Variants in MCM3AP observed in about 807,000 individuals in gnomAD.
MCM3AP encodes minichromosome maintenance complex component 3 associated protein.
A neutral mutation model predicts 184.1 loss-of-function variants in MCM3AP; 126 were observed. The observed-to-expected ratio is 0.68, with a 90% confidence interval of 0.59 to 0.79. The LOEUF (loss-of-function observed/expected upper bound fraction) is 0.79. MCM3AP is among the 30% of genes least tolerant of loss of function. The probability of loss-of-function intolerance (pLI) is 0.00; values close to 1 mark genes in which losing one functional copy is unlikely to be tolerated. For missense variants in MCM3AP, 2,496 were observed against 2,479.2 expected (o/e 1.01, Z -0.14); for synonymous variants, 1,002 against 979.3 (o/e 1.02, Z -0.43).
chr21:46,273,935 G>C (rs993197562), intron 6 of MCM3AP, among the ~76,000 whole-genome samples: 3 of 152,198 alleles, frequency 2.0e-5, no homozygotes, highest in African/African-American at 7.2e-5. Context: ...ACCAGATTAA[G>C]TCTACACAGA....
chr21:46,244,898 G>A lies in MCM3AP; in HGVS notation c.4947C>T (p.His1649=). ...AEAGGSRLLP[H]LHWNAPEHLA... ...GGTGCTCTGGGGCATTCCAGTGCAGGTGAGGAAGCAGCCGGCTGCCCCCTG... is the reference window on the plus strand; with the variant it reads ...GGTGCTCTGGGGCATTCCAGTGCAGATGAGGAAGCAGCCGGCTGCCCCCTG... The change falls in exon 23 of 28, where the codon CAC becomes CAT. Residue 1649 remains histidine (H), a synonymous_variant. Coordinates refer to ENST00000291688, the MANE Select transcript of MCM3AP (RefSeq NM_003906.5). The A allele has an allele frequency of 1.9e-6, 3 of 1,614,194 alleles. No homozygotes were observed. Among genetic ancestry groups the A allele is most frequent in the Non-Finnish European group, 1.7e-6 (2 of 1,180,022 alleles).
At chr21:46,254,868 G>A in intron 17 of MCM3AP, 24 bp from the exon 18 acceptor site, 1 of 1,595,512 alleles carries the variant, frequency 6.3e-7, no homozygotes, top group Non-Finnish European at 8.6e-7. Flanking sequence ...CAGAATGACA[G>A]TGTCCCCGCA....
rs17176145 is a variant in MCM3AP at position 46,284,834 on chromosome 21, A to G, written c.453T>C (p.Asn151=). The change falls in exon 1 of 28, where the codon AAT becomes AAC. Residue 151 remains asparagine (N), a synonymous_variant. Transcript: ENST00000291688. ...KTEFSFKPLE[N]AVFKPILGAE... ...CCCCCAGTATTGGTTTGAACACTGC[A>G]TTTTCCAGAGGTTTAAAGCTGAATT... 4.2e-5 allele frequency: 67 copies of G among 1,614,056 alleles called. No homozygotes were observed. In the African/African-American group the frequency reaches 8.4e-4, roughly 20 times the overall value.
At chr21:46,256,076 C>T (rs1456002217) in intron 17 of MCM3AP, among the ~76,000 whole-genome samples, 1 of 152,194 alleles carries the variant, frequency 6.6e-6, no homozygotes, top group Non-Finnish European at 1.5e-5. Flanking sequence ...CATGAGGCCC[C>T]AGCGGTGTGC....
chr21:46,256,516 TGATGCAGAGTCAGACTCAGGCACCAG>T (rs1454032553), intron 17 of MCM3AP: 2 of 499,870 alleles, frequency 4.0e-6, no homozygotes, highest in African/African-American at 1.9e-5. Flanking sequence ...AAAGAACACG[TGATGCAGAGTCAGACTCAGGCACCAG>T]GACGCTGAGT....
rs757114757 is a variant in MCM3AP, at chr21:46,261,431, T to C, written c.3336-20A>G. ...GAAACACTAAACGGAGCAAAGGGGA[T>C]AGCATTCAAAATCAGAGTCAAGGCC... is the stretch of plus-strand genomic sequence containing the variant. On this transcript the variant is annotated intron_variant, in intron 13 of 27. Transcript: ENST00000291688. 2.5e-6 allele frequency: 4 copies of C among 1,612,040 alleles called. No homozygotes were observed. Among genetic ancestry groups the C allele is most frequent in the Middle Eastern group, 1.7e-4 (1 of 6,060 alleles).
Position 46,283,674 on chromosome 21 carries a change from C to CT in MCM3AP, c.1383dup (p.Val462SerfsTer19). 1 of 1,614,194 alleles carries CT rather than the reference C, an allele frequency of 6.2e-7. No homozygotes were observed. The highest frequency in any genetic ancestry group is 1.7e-5 in the Admixed American group (1 of 60,022). On this transcript the variant is annotated frameshift_variant, in exon 2 of 28. Transcript: ENST00000291688. LOFTEE classifies it high-confidence loss of function. ...CTGCGCCTGGTAAAGATGCGCTGCA[C>CT]TTTAGCAATTTTGCCAAAATGGTTC...
Position 46,284,314 on chromosome 21 carries a change from GT to G in MCM3AP, c.972del (p.Lys324AsnfsTer6). 5 of 1,614,232 alleles carry G rather than the reference GT, an allele frequency of 3.1e-6. No homozygotes were observed. Among genetic ancestry groups the G allele is most frequent in the Non-Finnish European group, 4.2e-6 (5 of 1,180,048 alleles). On this transcript the variant is annotated frameshift_variant, in exon 1 of 28. Coordinates refer to ENST00000291688, the MANE Select transcript of MCM3AP (RefSeq NM_003906.5). LOFTEE classifies it high-confidence loss of function. ...PLSRGDHPPD[K>X]RPVRLNRPRG... ...CGGGGTCGATTCAGGCGGACAGGTCGTTTGTCTGGAGGATGATCGCCCCGGG... is the reference window on the plus strand; with the variant it reads ...CGGGGTCGATTCAGGCGGACAGGTCGTTGTCTGGAGGATGATCGCCCCGGG...
rs2081163978 is a variant in MCM3AP at position 46,270,349 on chromosome 21, A to C, written c.2628+52T>G. 1.0e-5 allele frequency: 16 copies of C among 1,549,140 alleles called. No homozygotes were observed. In the African/African-American group the frequency reaches 1.5e-4, roughly 15 times the overall value. ...TGGAATAAGAAAGCACCCAAACAGC[A>C]CAAGAACCACCTGCTTTCTTCCAAC... On this transcript the variant is annotated intron_variant, in intron 9 of 27. Coordinates refer to ENST00000291688, the MANE Select transcript of MCM3AP (RefSeq NM_003906.5).
chr21:46,270,661 A>C, intron 8 of MCM3AP, 98 bp from the exon 9 acceptor site: 1 of 1,093,700 alleles, frequency 9.1e-7, no homozygotes, highest in Non-Finnish European at 1.3e-6. Flanking sequence ...TTCACTGGCC[A>C]GATGCAGTGG....
chr21:46,254,469 C>G lies in MCM3AP; in HGVS notation c.4059G>C (p.Gly1353=), dbSNP rs773536041. ...GCTTCCAAAACACATGCTCCTGCCT[C>G]CCAGGGAGGTGCTCAGCCACGAGGG... ...LPSLVAEHLP[G]RQEHVFWKLV... Residue 1353 remains glycine, a synonymous_variant, in exon 19 of 28, where the codon GGG becomes GGC. Transcript: ENST00000291688. 1.2e-6 allele frequency: 2 copies of G among 1,614,134 alleles called. No individual in the cohort carries two copies. The highest frequency in any genetic ancestry group is 1.1e-5 in the South Asian group (1 of 91,088).
At position 46,284,938 on chromosome 21, in the gene MCM3AP, T is replaced by C. The variant is rs1040002045; in HGVS notation, c.349A>G (p.Ser117Gly). The C allele has an allele frequency of 2.5e-6, 4 of 1,614,018 alleles. No homozygotes were observed. The highest frequency in any genetic ancestry group is 1.3e-5 in the African/African-American group (1 of 74,936). Residue 117 changes from serine (S) to glycine (G), a missense_variant, in exon 1 of 28, where the codon AGT becomes GGT. By Grantham distance (56) the Ser-to-Gly change is moderately conservative. Transcript: ENST00000291688. Reference protein sequence around the residue: ...NTGFSFKSPTSVGAFPSTSAF... With the variant: ...NTGFSFKSPTGVGAFPSTSAF... ...GAAGTGCTTGGGAAAGCCCCAACAC[T>C]GGTGGGTGATTTAAAACTAAATCCT...
intron 20 of MCM3AP, chr21:46,247,117 C>T: frequency 2.0e-6 from 1 of 494,570 alleles, no homozygotes. Flanking sequence ...AAAGACTCCC[C>T]TCAACCTTTT....
intron 13 of MCM3AP, 152 bp from the exon 14 acceptor site, chr21:46,261,563 T>C: frequency 1.5e-6 from 1 of 666,720 alleles, no homozygotes; most frequent in South Asian, 1.7e-5. Context: ...TGAAACCCCA[T>C]CTCTACTAAA....
intron 10 of MCM3AP, 75 bp downstream of exon 10, chr21:46,266,907 C>T: frequency 6.7e-7 from 1 of 1,502,556 alleles, no homozygotes; most frequent in Non-Finnish European, 9.1e-7. Flanking sequence ...AAGCAGCCAG[C>T]CCTTCACAGC....
chr21:46,240,998 G>T lies in MCM3AP; in HGVS notation c.5446C>A (p.His1816Asn). The change falls in exon 26 of 28, where the codon CAT becomes AAT. Residue 1816 changes from histidine to asparagine, a missense_variant. His to Asn is a moderately conservative substitution (Grantham distance 68, BLOSUM62 1). Coordinates refer to ENST00000291688, the MANE Select transcript of MCM3AP (RefSeq NM_003906.5). ...ATGGGAAAATTGTTTGCAGAAGGAT[G>T]AAAAGGCTTTATTGCCAAACTGTAA... Reference protein sequence around the residue: ...REGRLAIKPFHPSANNFPIPL... With the variant: ...REGRLAIKPFNPSANNFPIPL... The T allele has an allele frequency of 6.2e-7, 1 of 1,613,464 alleles. No individual in the cohort carries two copies. Among genetic ancestry groups the T allele is most frequent in the Non-Finnish European group, 8.5e-7 (1 of 1,179,770 alleles).
chr21:46,273,227 G>A (rs1032159705), intron 7 of MCM3AP, among the ~76,000 whole-genome samples, 161 bp downstream of exon 7: 7 of 152,128 alleles, frequency 4.6e-5, no homozygotes, highest in Admixed American at 6.5e-5. Context: ...CACCCACCTC[G>A]GCCTCCCAGA....
intron 26 of MCM3AP, among the ~76,000 whole-genome samples, chr21:46,240,059 G>A (rs186117539): frequency 6.6e-6 from 1 of 152,254 alleles, no homozygotes; most frequent in East Asian, 1.9e-4. Context: ...CCAAGACAGG[G>A]AGGCATGTTT....
intron 18 of MCM3AP, 72 bp from the exon 19 acceptor site, chr21:46,254,598 AGCAGGAAGGG>A (rs2080920269): frequency 3.8e-6 from 6 of 1,574,188 alleles, no homozygotes; most frequent in Non-Finnish European, 3.5e-6. Context: ...ACATCCTATG[AGCAGGAAGGG>A]GCAGGTTGGA....
Sources: allele counts gnomAD v4.1 joint callset (sites outside exome capture counted in the v4.1 genomes callset), GRCh38; gene constraint gnomAD v4.1.1; transcripts MANE v1.5; gene names NCBI Gene and HGNC (gene_info 2026-07-23, HGNC 2026-07-21).